Variants in ROCK1 observed in about 807,000 individuals in gnomAD.
ROCK1 encodes the protein Rho associated coiled-coil containing protein kinase 1.
ROCK1 carries 36 observed loss-of-function variants against 196.8 expected under a neutral mutation model. The ratio of observed to expected loss-of-function variants is 0.18; its 90% CI spans 0.14 to 0.24. The LOEUF is 0.24. Ranked by LOEUF, ROCK1 falls within the 10% of genes least tolerant of loss-of-function variation. The pLI, the probability that ROCK1 is intolerant of heterozygous loss-of-function variation, is 1.00. For missense variants in ROCK1, 920 were observed against 1,562.0 expected, an observed-to-expected ratio of 0.59 and a Z score of 6.93; for synonymous variants, 443 against 515.9, an observed-to-expected ratio of 0.86 and a Z score of 1.91.
At chr18:21,048,669 C>A (rs1190931036) in intron 4 of ROCK1, among the ~76,000 whole-genome samples, 1 of 151,250 alleles carries the variant, frequency 6.6e-6, no homozygotes, top group Non-Finnish European at 1.5e-5. Context: ...CCTGCTTCAG[C>A]CTCCCCAGTA....
chr18:21,002,888 A>G (rs560139569), intron 16 of ROCK1, among the ~76,000 whole-genome samples: 1 of 152,100 alleles, frequency 6.6e-6, no homozygotes, highest in East Asian at 1.9e-4. Context: ...CTACAGGTGC[A>G]TGCCACCATA....
In ROCK1 at chr18:20,949,710, C is replaced by T. The variant is rs905236343; in HGVS notation, c.*1674G>A. 1 of 152,448 alleles carries T rather than the reference C, an allele frequency of 6.6e-6. No homozygotes were observed. The highest frequency in any genetic ancestry group is 2.4e-5 in the African/African-American group (1 of 41,442). The allele number at this position is 152,448 out of a possible 1,614,324, so 9.4% of individuals were successfully genotyped here. Reference sequence around the variant, plus strand: ...TAGCCAGCTTTTCATGTGAACTATTCCCACTCTTGTTTTAGAGCCCAAGAC... The same window carrying T: ...TAGCCAGCTTTTCATGTGAACTATTTCCACTCTTGTTTTAGAGCCCAAGAC... On this transcript the variant is annotated 3_prime_UTR_variant, in exon 33 of 33. Transcript: ENST00000399799.
chr18:21,047,708 G>A (rs771533915), intron 4 of ROCK1, among the ~76,000 whole-genome samples: 1 of 151,978 alleles, frequency 6.6e-6, no homozygotes, highest in Non-Finnish European at 1.5e-5. Context: ...GCAGGAGAAT[G>A]GCGTGAACTC....
intron 1 of ROCK1, among the ~76,000 whole-genome samples, chr18:21,102,637 GA>G (rs2036668716): frequency 6.6e-6 from 1 of 152,166 alleles, no homozygotes; most frequent in African/African-American, 2.4e-5. Flanking sequence ...TACACTTTGG[GA>G]AGCTGAGGCC....
At chr18:21,006,641 C>T (rs776756298) in intron 15 of ROCK1, 44 bp from the exon 16 acceptor site, 20 of 1,591,194 alleles carry the variant, frequency 1.3e-5, no homozygotes, top group Middle Eastern at 1.7e-4. Context: ...GACCAAAGTA[C>T]GATATAATTT....
rs547180127 is a variant in ROCK1 at position 20,982,081 on chromosome 18, A to G, written c.2559+682T>C. ...AAATCAAAAATCCACAAGAATCACC[A>G]CAAGTCATTTGACACCCATCCAAAC... On this transcript the variant is annotated intron_variant, in intron 21 of 32. Coordinates refer to ENST00000399799, the MANE Select transcript of ROCK1 (RefSeq NM_005406.3). Among the ~76,000 whole-genome samples the G allele has an allele frequency of 3.9e-4, 60 of 152,274 alleles. 1 individual carries two copies. The highest frequency in any genetic ancestry group is 1.3e-3 in the African/African-American group (54 of 41,550).
intron 17 of ROCK1, 150 bp downstream of exon 17, chr18:20,992,681 G>A (rs2035636624): frequency 5.6e-6 from 3 of 537,862 alleles, no homozygotes; most frequent in African/African-American, 1.9e-5. Context: ...CATACATACA[G>A]CCCCACATAC....
chr18:21,051,836 AG>A (rs2036206180), intron 2 of ROCK1, among the ~76,000 whole-genome samples: 1 of 152,198 alleles, frequency 6.6e-6, no homozygotes, highest in East Asian at 1.9e-4. Flanking sequence ...GGAACTGAGA[AG>A]CACCACTACT....
At chr18:21,057,368 A>G (rs184794307) in intron 2 of ROCK1, among the ~76,000 whole-genome samples, 2 of 152,354 alleles carry the variant, frequency 1.3e-5, no homozygotes, top group Admixed American at 6.5e-5. Flanking sequence ...AGTCGTTTAG[A>G]GTTAATCTTT....
chr18:21,095,279 C>T (rs879424221), intron 1 of ROCK1, among the ~76,000 whole-genome samples: 13 of 151,806 alleles, frequency 8.6e-5, no homozygotes, highest in Non-Finnish European at 1.3e-4. Context: ...ATTAGTACAA[C>T]CACTATGGAG....
At chr18:20,990,500 C>CCTGT (rs1478811754) in intron 18 of ROCK1, among the ~76,000 whole-genome samples, 5 of 151,496 alleles carry the variant, frequency 3.3e-5, no homozygotes, top group African/African-American at 4.8e-5. Context: ...TCGAGACCAG[C>CCTGT]CTGTCCAACA....
chr18:21,042,027 G>T, intron 8 of ROCK1, 70 bp downstream of exon 8: 1 of 1,384,012 alleles, frequency 7.2e-7, no homozygotes, highest in Non-Finnish European at 1.0e-6. Context: ...CTCAGATATG[G>T]ACCTTAAAAA....
chr18:20,976,434 TC>T (rs1436215229), intron 22 of ROCK1, among the ~76,000 whole-genome samples: 2 of 152,156 alleles, frequency 1.3e-5, no homozygotes, highest in Non-Finnish European at 2.9e-5. Context: ...ACATAAAAAT[TC>T]AGATTCTTGG....
rs766011870 is a variant in ROCK1, at chr18:21,042,190, T to C, written c.866A>G (p.Lys289Arg). Residue 289 changes from lysine to arginine, a missense_variant, in exon 8 of 33, where the codon AAA becomes AGA. Around this residue, in one of 6 missense-constraint regions of ROCK1, gnomAD observed 234 missense variants for 460.7 expected, o/e 0.51. Coordinates refer to ENST00000399799, the MANE Select transcript of ROCK1 (RefSeq NM_005406.3). ...YADSLVGTYSKIMNHKNSLTF... is the reference protein window; with the variant it reads ...YADSLVGTYSRIMNHKNSLTF... ...AAGTGAATTTTTATGGTTCATAATT[T>C]TACTGTAAGTTCCAACCAAAGAATC... 1 of 1,603,236 alleles carries C rather than the reference T, an allele frequency of 6.2e-7. No homozygotes were observed. Among genetic ancestry groups the C allele is most frequent in the South Asian group, 1.1e-5 (1 of 88,928 alleles).
intron 1 of ROCK1, among the ~76,000 whole-genome samples, chr18:21,075,015 G>A (rs1229988922): frequency 1.3e-5 from 2 of 152,156 alleles, no homozygotes; most frequent in African/African-American, 2.4e-5. Context: ...GGAGATGAAG[G>A]AGAAGGAGTC....
At chr18:20,998,704 A>G (rs1411459110) in intron 16 of ROCK1, among the ~76,000 whole-genome samples, 1 of 147,422 alleles carries the variant, frequency 6.8e-6, no homozygotes, top group Non-Finnish European at 1.5e-5. Context: ...TCCCGGGTTC[A>G]AGTGATTCTC....
rs1460624947 is a variant in ROCK1 at position 20,949,531 on chromosome 18, C to T, written c.*1853G>A. On this transcript the variant is annotated 3_prime_UTR_variant, in exon 33 of 33. Coordinates refer to ENST00000399799, the MANE Select transcript of ROCK1 (RefSeq NM_005406.3). ...TATTATACTGGACAGTAAAAGAACC[C>T]GACATCCTCACAAGGGAGAACTCTA... is the stretch of plus-strand genomic sequence containing the variant. 2.0e-5 allele frequency: 3 copies of T among 152,188 alleles called. No individual in the cohort carries two copies. The highest frequency in any genetic ancestry group is 4.4e-5 in the Non-Finnish European group (3 of 68,042). 9.4% of individuals were successfully genotyped at this position (152,188 alleles called of 1,614,324 possible). A position where few individuals can be genotyped will look rare whatever the true frequency, so the allele number is the denominator to read the frequency against.
At chr18:21,051,913 G>A (rs1365480014) in intron 2 of ROCK1, among the ~76,000 whole-genome samples, 1 of 152,158 alleles carries the variant, frequency 6.6e-6, no homozygotes, top group East Asian at 1.9e-4. Flanking sequence ...TACATTTCAG[G>A]AAAACTACTC....
intron 1 of ROCK1, among the ~76,000 whole-genome samples, chr18:21,092,715 A>C (rs531897446): frequency 5.3e-5 from 8 of 152,300 alleles, no homozygotes; most frequent in Non-Finnish European, 1.0e-4. Context: ...TAAATGGGAA[A>C]CAAGACTTTT....
Sources: allele counts gnomAD v4.1 joint callset (sites outside exome capture counted in the v4.1 genomes callset), GRCh38; gene constraint gnomAD v4.1.1; regional missense constraint gnomAD v4.1.1; transcripts MANE v1.5; gene names NCBI Gene and HGNC (gene_info 2026-07-23, HGNC 2026-07-21).